BANK1: variants seen among roughly 807,000 people sequenced by gnomAD.
BANK1 encodes the protein B-cell scaffold protein with ankyrin repeats.
In BANK1, 95 loss-of-function variants were observed where a neutral mutation model predicts 94.5. The observed-to-expected ratio is 1.00, with a 90% CI of 0.85 to 1.19. BANK1 has a LOEUF of 1.19. Among genes scored for constraint, BANK1 ranks in the 50% most tolerant of loss-of-function variants. The pLI is 0.00. For missense variants in BANK1, 987 were observed against 932.2 expected, an observed-to-expected ratio of 1.06 and a Z score of -0.77; for synonymous variants, 334 against 308.4, an observed-to-expected ratio of 1.08 and a Z score of -0.87.
intron 7 of BANK1, among the ~76,000 whole-genome samples, chr4:101,960,349 A>G (rs727085): frequency 0.045 from 6,896 of 152,196 alleles, 189 homozygotes; most frequent in African/African-American, 0.076. Context: ...AAAAATTGAT[A>G]ACGTAAGATT....
At chr4:101,870,735 G>A in intron 5 of BANK1, 91 bp downstream of exon 5, 1 of 1,426,286 alleles carries the variant, frequency 7.0e-7, no homozygotes, top group Non-Finnish European at 9.4e-7. Flanking sequence ...AAGTTTGAAT[G>A]TGGATTGAAT....
intron 6 of BANK1, among the ~76,000 whole-genome samples, chr4:101,897,563 C>T (rs1029058388): frequency 1.3e-5 from 2 of 151,906 alleles, no homozygotes; most frequent in Non-Finnish European, 2.9e-5. Flanking sequence ...AAGTGTTTGC[C>T]TTTTAAGAAG....
At chr4:101,963,919 A>C (rs560487946) in intron 7 of BANK1, among the ~76,000 whole-genome samples, 1 of 152,170 alleles carries the variant, frequency 6.6e-6, no homozygotes, top group South Asian at 2.1e-4. Flanking sequence ...CTTTTCTGAT[A>C]ATCTTAACAT....
intron 4 of BANK1, among the ~76,000 whole-genome samples, chr4:101,865,102 C>T (rs1239050495): frequency 1.3e-5 from 2 of 151,980 alleles, no homozygotes; most frequent in African/African-American, 4.8e-5. Context: ...GCTTCTGAGG[C>T]CCTTTAGTCT....
chr4:101,947,499 T>C (rs548518129), intron 7 of BANK1, among the ~76,000 whole-genome samples: 52 of 151,174 alleles, frequency 3.4e-4, no homozygotes, highest in African/African-American at 1.2e-3. Context: ...GTCTGATAGG[T>C]TCAAGTAGAA....
chr4:101,941,027 C>G (rs138228120), intron 7 of BANK1, among the ~76,000 whole-genome samples: 1 of 151,780 alleles, frequency 6.6e-6, no homozygotes, highest in Non-Finnish European at 1.5e-5. Context: ...ACTCTCCCCC[C>G]TTTACTTATT....
At chr4:101,836,555 C>G (rs932824933) in intron 2 of BANK1, among the ~76,000 whole-genome samples, 17 of 152,066 alleles carry the variant, frequency 1.1e-4, no homozygotes, top group African/African-American at 4.1e-4. Context: ...TCAAAAAAAC[C>G]CCACAAACCT....
chr4:101,823,170 T>G (rs1326351940), intron 1 of BANK1, among the ~76,000 whole-genome samples: 1 of 152,180 alleles, frequency 6.6e-6, no homozygotes. Flanking sequence ...ATCATTCACA[T>G]TTTTTCTTCC....
chr4:101,844,406 G>T (rs1455811127), intron 2 of BANK1, among the ~76,000 whole-genome samples: 1 of 152,216 alleles, frequency 6.6e-6, no homozygotes, highest in Admixed American at 6.5e-5. Flanking sequence ...AGATTGGAAA[G>T]ACTGCAATGG....
chr4:101,891,563 G>A (rs1218996279), intron 5 of BANK1, among the ~76,000 whole-genome samples: 3 of 151,988 alleles, frequency 2.0e-5, no homozygotes, highest in South Asian at 2.1e-4. Context: ...TTATTTCCTT[G>A]TGTGCTTTTT....
chr4:101,977,625 T>C (rs1725179818), intron 7 of BANK1, among the ~76,000 whole-genome samples: 1 of 152,138 alleles, frequency 6.6e-6, no homozygotes, highest in African/African-American at 2.4e-5. Flanking sequence ...ACAAATGTAG[T>C]CTCTGAGTTC....
rs576638291 is a variant in BANK1 at position 101,805,597 on chromosome 4, A to G, written c.70+14647A>G. Among the ~76,000 whole-genome samples, 26 of 149,706 alleles carry G rather than the reference A, an allele frequency of 1.7e-4. No individual in the cohort carries two copies. The East Asian group carries it at 4.9e-3, about 28-fold the overall frequency. On this transcript the variant is annotated intron_variant, in intron 1 of 16. Coordinates refer to ENST00000322953, the MANE Select transcript of BANK1 (RefSeq NM_017935.5). ...ATATACAAATATTTATTATTTGTAT[A>G]ATAATACATTATATACATTATGTAT...
intron 2 of BANK1, among the ~76,000 whole-genome samples, chr4:101,839,189 T>C (rs1726938900): frequency 6.6e-6 from 1 of 152,234 alleles, no homozygotes; most frequent in Non-Finnish European, 1.5e-5. Context: ...AAATTACTTT[T>C]ACTAGTGTCT....
At chr4:101,797,040 T>A (rs1421981923) in intron 1 of BANK1, among the ~76,000 whole-genome samples, 4 of 152,148 alleles carry the variant, frequency 2.6e-5, no homozygotes, top group Non-Finnish European at 2.9e-5. Flanking sequence ...AATACAATAC[T>A]GTGTTTTAGA....
intron 7 of BANK1, among the ~76,000 whole-genome samples, chr4:102,007,170 A>ATATATATATATATATATATATATAT (rs1560682419): frequency 1.4e-4 from 16 of 113,198 alleles, no homozygotes; most frequent in South Asian, 2.5e-4. Context: ...ATATATATAT[A>ATATATATATATATATATATATATAT]AAATCCCTAA....
intron 13 of BANK1, among the ~76,000 whole-genome samples, chr4:102,069,842 A>G (rs1306096844): frequency 6.6e-6 from 1 of 152,232 alleles, no homozygotes; most frequent in East Asian, 1.9e-4. Flanking sequence ...CATTACACAT[A>G]CTGAGTGAAA....
chr4:102,057,676 A>G (rs951488986), intron 11 of BANK1, among the ~76,000 whole-genome samples: 3 of 152,138 alleles, frequency 2.0e-5, no homozygotes, highest in Admixed American at 6.5e-5. Flanking sequence ...TCCAAGTGCC[A>G]TAAACTAATT....
chr4:101,950,534 G>C (rs955479039), intron 7 of BANK1, among the ~76,000 whole-genome samples: 4 of 152,078 alleles, frequency 2.6e-5, no homozygotes, highest in Non-Finnish European at 5.9e-5. Context: ...GTCTTTGCAT[G>C]AATTTTCAAA....
chr4:101,886,954 T>G (rs1728882271), intron 5 of BANK1, among the ~76,000 whole-genome samples: 1 of 152,204 alleles, frequency 6.6e-6, no homozygotes, highest in South Asian at 2.1e-4. Flanking sequence ...AACATTCATC[T>G]GAGGACATGG....
Sources: gnomAD v4.1 joint callset for allele counts (sites outside exome capture counted in the v4.1 genomes callset) on GRCh38, gnomAD v4.1.1 for gene constraint, MANE v1.5 for transcripts, NCBI Gene and HGNC (gene_info 2026-07-23, HGNC 2026-07-21) for gene names.